Variants in DNAH1 observed in about 807,000 individuals in gnomAD.
DNAH1 encodes the protein dynein axonemal heavy chain 1.
DNAH1 carries 327 observed loss-of-function variants against 484.3 expected under a neutral mutation model. The observed-to-expected ratio is 0.68, with a 90% CI of 0.62 to 0.74. DNAH1 has a LOEUF of 0.74. Ranked by LOEUF, DNAH1 falls within the 30% of genes least tolerant of loss-of-function variation. DNAH1 has a pLI of 0.00. For synonymous variants in DNAH1, 2,192 were observed against 2,191.9 expected (o/e 1.00, Z 0.00); for missense variants, 5,052 against 5,546.8 (o/e 0.91, Z 2.83).
Position 52,363,134 on chromosome 3 carries a change from T to C in DNAH1, c.5234T>C (p.Leu1745Pro). The C allele has an allele frequency of 6.2e-7, 1 of 1,613,902 alleles. No homozygotes were observed. The highest frequency in any genetic ancestry group is 2.2e-5 in the East Asian group (1 of 44,888). ...ACCTTCAAGCTGTCTTCTGAGCAGC[T>C]CAGCTCCCAGGTGTGGTCCTGCCCT... ...TTTFKLSSEQLSSQDHYDFGM... is the reference protein window; with the variant it reads ...TTTFKLSSEQPSSQDHYDFGM... The change falls in exon 32 of 78, where the codon CTC becomes CCC. Residue 1745 changes from leucine (L) to proline (P), a missense_variant. Leu to Pro is a moderately conservative substitution (Grantham distance 98). This residue lies in a region of DNAH1 where 2,929 missense variants were observed against 3,409.4 expected (regional missense o/e 0.86). Transcript: ENST00000420323.
chr3:52,353,076 C>A lies in DNAH1; in HGVS notation c.3028-27C>A. 1 of 1,596,598 alleles carries A rather than the reference C, an allele frequency of 6.3e-7. No individual in the cohort carries two copies. The highest frequency in any genetic ancestry group is 2.2e-5 in the East Asian group (1 of 44,734). On this transcript the variant is annotated intron_variant, in intron 18 of 77. Transcript: ENST00000420323. The surrounding 1 kb of genome is among the most constrained non-coding windows in gnomAD (Gnocchi z 5.0). ...AGACTGGGAAGTGTCCCAAGACAGCCCCAGCCCTGCCCTCCTGTCCCTGCA... is the reference window on the plus strand; with the variant it reads ...AGACTGGGAAGTGTCCCAAGACAGCACCAGCCCTGCCCTCCTGTCCCTGCA...
chr3:52,321,100 ATTTC>A (rs1321792044), intron 1 of DNAH1, among the ~76,000 whole-genome samples: 2 of 142,426 alleles, frequency 1.4e-5, no homozygotes, highest in Admixed American at 1.4e-4. Flanking sequence ...AAGCCTGGCC[ATTTC>A]TTTCTTTTTT....
At chr3:52,389,759 T>A (rs1262541520) in intron 60 of DNAH1, among the ~76,000 whole-genome samples, 173 bp downstream of exon 60, 1 of 152,176 alleles carries the variant, frequency 6.6e-6, no homozygotes, top group Non-Finnish European at 1.5e-5. Flanking sequence ...AGGAGAAAGC[T>A]GGGCTGAGTG....
intron 5 of DNAH1, 104 bp from the exon 6 acceptor site, chr3:52,327,778 T>TG: frequency 7.3e-7 from 1 of 1,377,638 alleles, no homozygotes; most frequent in Non-Finnish European, 1.0e-6. Flanking sequence ...CTCTCTCACC[T>TG]GGGGAGGGTA....
Position 52,388,271 on chromosome 3 carries a change from C to A in DNAH1, c.9108C>A (p.Ile3036=), listed in dbSNP as rs1486352655. 2 of 1,602,744 alleles carry A rather than the reference C, an allele frequency of 1.2e-6. No homozygotes were observed. Among genetic ancestry groups the A allele is most frequent in the Non-Finnish European group, 1.7e-6 (2 of 1,174,852 alleles). Residue 3036 remains isoleucine, a synonymous_variant, in exon 57 of 78, where the codon ATC becomes ATA. Transcript: ENST00000420323. ...IAKVSKACTS[I]CQWVRAMHKY... ...AGGTGTCCAAGGCTTGCACCTCCAT[C>A]TGCCAGTGGGTGCGCGCCATGCACA...
In DNAH1 at chr3:52,388,936, CG is replaced by C; in HGVS notation, c.9495+1del. 6.3e-7 allele frequency: 1 copy of C among 1,594,452 alleles called. No homozygotes were observed. ...AGFVAYLGPF[T>X]GQYRTVLYDS... ...TTTGTGGCCTACCTGGGCCCCTTCA[CG>C]GTAAGAAGTCCCCACCTCTGTCTCT... On this transcript the variant is annotated frameshift_variant and splice_region_variant, in exon 59 of 78. Transcript: ENST00000420323. LOFTEE classifies it high-confidence loss of function.
chr3:52,382,482 G>C lies in DNAH1; in HGVS notation c.7941+27G>C, dbSNP rs375464461. On this transcript the variant is annotated intron_variant, in intron 50 of 77. Transcript: ENST00000420323. ...TGCCACTGCCACAGCAGAGGGCAGG[G>C]CTCGGGGGGGCTGGACACAACCCCA... The C allele has an allele frequency of 1.7e-5, 27 of 1,611,470 alleles. No individual in the cohort carries two copies. In the African/African-American group the frequency reaches 2.8e-4, roughly 17 times the overall value.
intron 8 of DNAH1, among the ~76,000 whole-genome samples, chr3:52,338,350 T>C (rs11706108): frequency 0.27 from 41,732 of 152,078 alleles, 8,368 homozygotes; most frequent in African/African-American, 0.57. Flanking sequence ...CTCAAATGAT[T>C]CACCCACCTC....
Position 52,386,867 on chromosome 3 carries a change from GCAC to G in DNAH1, c.9003+16_9003+18del. 1 of 1,539,534 alleles carries G rather than the reference GCAC, an allele frequency of 6.5e-7. No homozygotes were observed. Among genetic ancestry groups the G allele is most frequent in the Non-Finnish European group, 8.8e-7 (1 of 1,142,100 alleles). ...AAGTTTGACAAGGTAAGCATGCCAG[GCAC>G]CCTGGCCAGCCAGCGAGTGAGGACA... On this transcript the variant is annotated intron_variant, in intron 56 of 77. Transcript: ENST00000420323.
In DNAH1 at chr3:52,386,225, G is replaced by C; in HGVS notation, c.8691G>C (p.Glu2897Asp). ...SVQTEEIKAN[E>D]KAKKAQAIAD... ...AGACAGAGGAGATCAAAGCCAATGA[G>C]AAGGCCAAGAAGGCACAAGCTATTG... The change falls in exon 55 of 78, where the codon GAG becomes GAC. Residue 2897 changes from glutamate (E) to aspartate (D), a missense_variant. Glu to Asp is a conservative substitution (Grantham distance 45). Around this residue, in one of 4 missense-constraint regions of DNAH1, gnomAD observed 2,929 missense variants for 3,409.4 expected, o/e 0.86. Transcript: ENST00000420323. The C allele has an allele frequency of 1.2e-6, 2 of 1,613,780 alleles. No homozygotes were observed. The highest frequency in any genetic ancestry group is 8.5e-7 in the Non-Finnish European group (1 of 1,179,820).
intron 1 of DNAH1, 83 bp from the exon 2 acceptor site, chr3:52,322,326 A>C: frequency 2.2e-6 from 2 of 920,018 alleles, no homozygotes; most frequent in East Asian, 5.3e-5. Flanking sequence ...GGCTTGTGGC[A>C]GGCAGGCAAT....
At position 52,372,326 on chromosome 3, in the gene DNAH1, T is replaced by A. The variant is rs1206130317; in HGVS notation, c.6766T>A (p.Phe2256Ile). 4.3e-6 allele frequency: 7 copies of A among 1,613,832 alleles called. No homozygotes were observed. The highest frequency in any genetic ancestry group is 5.9e-6 in the Non-Finnish European group (7 of 1,179,872). Residue 2256 changes from phenylalanine to isoleucine, a missense_variant, in exon 43 of 78, where the codon TTC (phenylalanine) becomes ATC (isoleucine). Phe to Ile is a conservative substitution (Grantham distance 21). This residue lies in a region of DNAH1 where 2,929 missense variants were observed against 3,409.4 expected (regional missense o/e 0.86). Coordinates refer to ENST00000420323, the MANE Select transcript of DNAH1 (RefSeq NM_015512.5). ...GGATTACATCAGCCACTTCCTCACC[T>A]TCTCAGCCCGCACTTCAGCCAACCA... ...ALDYISHFLTFSARTSANQTQ... is the reference protein window; with the variant it reads ...ALDYISHFLTISARTSANQTQ...
In DNAH1 at chr3:52,395,134, C is replaced by G; in HGVS notation, c.10968+75C>G. On this transcript the variant is annotated intron_variant, in intron 68 of 77. Coordinates refer to ENST00000420323, the MANE Select transcript of DNAH1 (RefSeq NM_015512.5). This position sits in a 1 kb window ranked among gnomAD's most constrained non-coding sequence, Gnocchi z 4.4. ...CTGGGTCCCAGGGCCCTGGCTGCAT[C>G]TGGATAGACTACTTGGCCAGGCCAG... The G allele has an allele frequency of 6.5e-7, 1 of 1,535,622 alleles. No individual in the cohort carries two copies. The highest frequency in any genetic ancestry group is 8.8e-7 in the Non-Finnish European group (1 of 1,137,594).
rs1286312280 is a variant in DNAH1 at position 52,399,129 on chromosome 3, C to G, written c.12369C>G (p.Phe4123Leu). The G allele has an allele frequency of 1.9e-6, 3 of 1,613,942 alleles. No homozygotes were observed. Among genetic ancestry groups the G allele is most frequent in the Non-Finnish European group, 1.7e-6 (2 of 1,179,904 alleles). Residue 4123 changes from phenylalanine (F) to leucine (L), a missense_variant, in exon 76 of 78, where the codon TTC becomes TTG. Phe to Leu is a conservative substitution (Grantham distance 22, BLOSUM62 0). This residue lies in a region of DNAH1 where 853 missense variants were observed against 899.0 expected (regional missense o/e 0.95). Coordinates refer to ENST00000420323, the MANE Select transcript of DNAH1 (RefSeq NM_015512.5). ...GTGGATTCTTCTTCCCCCAGGCTTTCTTAACAGGCACTCTGCAGAATTTTG... is the reference window on the plus strand; with the variant it reads ...GTGGATTCTTCTTCCCCCAGGCTTTGTTAACAGGCACTCTGCAGAATTTTG... ...WISGFFFPQA[F>L]LTGTLQNFAR...
chr3:52,391,426 G>C lies in DNAH1; in HGVS notation c.9892-17G>C. ...TGATGCTCAGGCCACAGTACCCACC[G>C]GTCCCACCCACCACAGACGTACAAG... On this transcript the variant is annotated splice_polypyrimidine_tract_variant and intron_variant, in intron 62 of 77. Coordinates refer to ENST00000420323, the MANE Select transcript of DNAH1 (RefSeq NM_015512.5). 6.2e-7 allele frequency: 1 copy of C among 1,603,542 alleles called. No individual in the cohort carries two copies. Among genetic ancestry groups the C allele is most frequent in the Non-Finnish European group, 8.5e-7 (1 of 1,175,270 alleles).
At chr3:52,344,829 A>G (rs897081017) in intron 9 of DNAH1, among the ~76,000 whole-genome samples, 182 bp downstream of exon 9, 2 of 152,272 alleles carry the variant, frequency 1.3e-5, no homozygotes, top group African/African-American at 4.8e-5. Context: ...GCTCTGGACC[A>G]GGGGAAGGGA....
At chr3:52,323,368 C>G (rs564686640) in intron 2 of DNAH1, among the ~76,000 whole-genome samples, 1 of 152,118 alleles carries the variant, frequency 6.6e-6, no homozygotes, top group South Asian at 2.1e-4. Flanking sequence ...AATTCAGAGT[C>G]CTGTAGGTCC....
chr3:52,326,595 G>A (rs1701353593), intron 4 of DNAH1, 140 bp from the exon 5 acceptor site: 1 of 1,107,098 alleles, frequency 9.0e-7, no homozygotes, highest in South Asian at 1.6e-5. Flanking sequence ...TTCCTGATGA[G>A]TCTCAGAGGG....
chr3:52,360,135 G>A (rs1702794666), intron 27 of DNAH1, 56 bp downstream of exon 27: 16 of 1,608,494 alleles, frequency 9.9e-6, no homozygotes, highest in African/African-American at 1.3e-5. Context: ...AGGGGCAGGG[G>A]AAAAGAGAAA....
Sources: allele counts gnomAD v4.1 joint callset (sites outside exome capture counted in the v4.1 genomes callset), GRCh38; gene constraint gnomAD v4.1.1; regional missense constraint gnomAD v4.1.1; non-coding constraint Gnocchi (gnomAD v3.1); transcripts MANE v1.5; gene names NCBI Gene and HGNC (gene_info 2026-07-23, HGNC 2026-07-21).